The following RBFOX2 variants were observed in gnomAD, a reference collection of about 807,000 sequenced individuals.
RBFOX2 encodes RNA binding protein fox-1 homolog 2.
A neutral mutation model predicts 49.1 loss-of-function variants in RBFOX2; 10 were observed. That is an observed-to-expected ratio of 0.20 (90% CI 0.13 to 0.35). The LOEUF is 0.35. Ranked by LOEUF, RBFOX2 falls within the 10% of genes least tolerant of loss-of-function variation. The probability of loss-of-function intolerance (pLI) is 1.00; values close to 1 mark genes in which losing one functional copy is unlikely to be tolerated. For missense variants in RBFOX2, 323 were observed against 486.9 expected (o/e 0.66, Z 3.17); for synonymous variants, 183 against 187.4 (o/e 0.98, Z 0.19).
At chr22:35,897,864 A>G (rs2048056913) in intron 1 of RBFOX2, 5 of 736,090 alleles carry the variant, frequency 6.8e-6, no homozygotes, top group South Asian at 1.4e-5. Flanking sequence ...TCTTTCTCAA[A>G]TATCTAGAAG....
Position 35,938,830 on chromosome 22 carries a change from A to G in RBFOX2, c.-34+17T>C, listed in dbSNP as rs892593259. On this transcript the variant is annotated intron_variant, in intron 1 of 13. Coordinates refer to the RBFOX2 transcript ENST00000359369. ...CACACACATACATCATCTGAGTTAC[A>G]AACAGCAGATACCAACCTGGCTGTC... The G allele has an allele frequency of 6.2e-7, 1 of 1,608,306 alleles. No homozygotes were observed. Among genetic ancestry groups the G allele is most frequent in the African/African-American group, 1.3e-5 (1 of 74,894 alleles).
At chr22:35,838,231 A>AT (rs35429449) in intron 1 of RBFOX2, among the ~76,000 whole-genome samples, 128 of 150,846 alleles carry the variant, frequency 8.5e-4, no homozygotes, top group African/African-American at 3.0e-3. Context: ...TTTTATGTAA[A>AT]TTTTTTTTAA....
At chr22:35,841,497 T>G (rs1958742136), upstream of RBFOX2, among the ~76,000 whole-genome samples, 1 of 152,158 alleles carries the variant, frequency 6.6e-6, no homozygotes. Flanking sequence ...ATAATTTCCC[T>G]ATTTTATATT....
intron 2 of RBFOX2, 53 bp downstream of exon 3, chr22:35,809,727 T>G: frequency 6.4e-7 from 1 of 1,565,704 alleles, no homozygotes; most frequent in Admixed American, 1.7e-5. Flanking sequence ...AAGGCGACAA[T>G]TTCTATATGA....
At chr22:35,933,926 TTA>T (rs3075245) in intron 1 of RBFOX2, among the ~76,000 whole-genome samples, 1,603 of 117,918 alleles carry the variant, frequency 0.014, 25 homozygotes, top group East Asian at 0.045. Context: ...TAATTAAATG[TTA>T]TATATATATA....
At chr22:36,014,951 A>G (rs939184223) in intron 1 of RBFOX2, among the ~76,000 whole-genome samples, 4 of 152,240 alleles carry the variant, frequency 2.6e-5, no homozygotes, top group Non-Finnish European at 4.4e-5. Context: ...AAACACAGCC[A>G]GCTCAGAGCT....
intron 2 of RBFOX2, among the ~76,000 whole-genome samples, chr22:35,789,861 T>C (rs1947243460): frequency 6.6e-6 from 1 of 152,158 alleles, no homozygotes; most frequent in Admixed American, 6.5e-5. Context: ...TGGTTGTCTA[T>C]TCAGGACTTA....
intron 1 of RBFOX2, among the ~76,000 whole-genome samples, chr22:35,918,190 A>G (rs1231685825): frequency 6.6e-6 from 1 of 152,236 alleles, no homozygotes; most frequent in African/African-American, 2.4e-5. Context: ...TTCACTCTCT[A>G]AACTAAACTG....
At chr22:35,975,288 G>T (rs1189185122) in intron 1 of RBFOX2, among the ~76,000 whole-genome samples, 2 of 152,076 alleles carry the variant, frequency 1.3e-5, no homozygotes, top group African/African-American at 4.8e-5. Context: ...ATTAGCACTG[G>T]TAAAAGGAAA....
chr22:35,996,124 C>T (rs920282167), intron 1 of RBFOX2: 1 of 152,164 alleles, frequency 6.6e-6, no homozygotes, highest in Non-Finnish European at 1.5e-5. Context: ...TTTTCTCTCC[C>T]AAATGAAAAG....
intron 2 of RBFOX2, among the ~76,000 whole-genome samples, chr22:35,793,384 A>C (rs1359498637): frequency 6.6e-6 from 1 of 152,198 alleles, no homozygotes; most frequent in Non-Finnish European, 1.5e-5. Flanking sequence ...AAAAATAAAT[A>C]AATCAATGAA....
chr22:35,993,550 A>C (rs1184851233), intron 1 of RBFOX2: 2 of 152,208 alleles, frequency 1.3e-5, no homozygotes, highest in Non-Finnish European at 2.9e-5. Flanking sequence ...GCTTGACTGA[A>C]ACCTCATGAG....
intron 1 of RBFOX2, among the ~76,000 whole-genome samples, chr22:35,977,359 C>T (rs76136735): frequency 3.9e-5 from 6 of 152,056 alleles, no homozygotes; most frequent in Non-Finnish European, 7.4e-5. Context: ...AGAAATGAAG[C>T]TACTCAACAG....
At chr22:35,907,354 A>C (rs1257332320) in intron 1 of RBFOX2, among the ~76,000 whole-genome samples, 1 of 152,174 alleles carries the variant, frequency 6.6e-6, no homozygotes, top group Non-Finnish European at 1.5e-5. Context: ...GGGAGGGGAC[A>C]CCCCTCTTTT....
chr22:35,935,101 A>AT (rs1378670622), intron 1 of RBFOX2, among the ~76,000 whole-genome samples: 3 of 151,704 alleles, frequency 2.0e-5, no homozygotes, highest in Admixed American at 6.6e-5. Flanking sequence ...CACCCGGCTG[A>AT]TTTTTTTTAT....
At chr22:35,991,877 T>C (rs1276020338) in intron 1 of RBFOX2, among the ~76,000 whole-genome samples, 1 of 152,134 alleles carries the variant, frequency 6.6e-6, no homozygotes, top group African/African-American at 2.4e-5. Flanking sequence ...TAATCAAAAA[T>C]AAAAATTAAC....
chr22:35,833,041 T>C (rs762933840), intron 1 of RBFOX2, among the ~76,000 whole-genome samples: 1 of 152,198 alleles, frequency 6.6e-6, no homozygotes, highest in Non-Finnish European at 1.5e-5. Flanking sequence ...TATCAAAATA[T>C]CATATGTACC....
intron 3 of RBFOX2, among the ~76,000 whole-genome samples, chr22:35,779,668 C>T (rs1025628496): frequency 6.6e-6 from 1 of 152,042 alleles, no homozygotes; most frequent in African/African-American, 2.4e-5. Context: ...ATGGTTAAGA[C>T]GAATGAGGCT....
chr22:35,988,960 C>A (rs1569519555), intron 1 of RBFOX2, among the ~76,000 whole-genome samples: 2 of 152,166 alleles, frequency 1.3e-5, no homozygotes, highest in Non-Finnish European at 1.5e-5. Context: ...GAGACCGAGG[C>A]GGGCAGATCA....
Sources: gnomAD v4.1 joint callset for allele counts (sites outside exome capture counted in the v4.1 genomes callset) on GRCh38, gnomAD v4.1.1 for gene constraint, MANE v1.5 for transcripts, NCBI Gene and HGNC (gene_info 2026-07-23, HGNC 2026-07-21) for gene names.